The following TAOK3 variants were observed in gnomAD, a reference collection of about 807,000 sequenced individuals.
TAOK3 encodes the protein TAO kinase 3.
A neutral mutation model predicts 120.4 loss-of-function variants in TAOK3; 40 were observed. That is an observed-to-expected ratio of 0.33 (90% CI 0.26 to 0.43). TAOK3 has a LOEUF of 0.43. TAOK3 is among the 20% of genes least tolerant of loss of function. The pLI, the probability that TAOK3 is intolerant of heterozygous loss-of-function variation, is 1.00. For synonymous variants in TAOK3, 355 were observed against 387.5 expected (o/e 0.92, Z 0.99); for missense variants, 821 against 1,112.1 (o/e 0.74, Z 3.72).
chr12:118,246,898 A>T, intron 3 of TAOK3: 2 of 1,345,042 alleles, frequency 1.5e-6, no homozygotes, highest in Non-Finnish European at 2.1e-6. Context: ...TTCACTGACC[A>T]CCTCGTTAAG....
intron 16 of TAOK3, among the ~76,000 whole-genome samples, chr12:118,175,122 G>C: frequency 6.6e-6 from 1 of 152,136 alleles, no homozygotes; most frequent in African/African-American, 2.4e-5. Context: ...CTACACCCGG[G>C]TTTTCTAGAC....
chr12:118,354,842 A>G (rs978706217), intron 1 of TAOK3, among the ~76,000 whole-genome samples: 1 of 152,150 alleles, frequency 6.6e-6, no homozygotes, highest in Non-Finnish European at 1.5e-5. Context: ...CTGTGAGTCC[A>G]TTAAACCTCT....
chr12:118,163,095 T>G (rs1212808477), intron 17 of TAOK3, among the ~76,000 whole-genome samples: 1 of 152,172 alleles, frequency 6.6e-6, no homozygotes, highest in Middle Eastern at 3.2e-3. Flanking sequence ...TACTCGGAAT[T>G]TGGAATTGAT....
intron 13 of TAOK3, among the ~76,000 whole-genome samples, chr12:118,193,082 G>A (rs1326613683): frequency 8.8e-6 from 1 of 113,432 alleles, no homozygotes; most frequent in Non-Finnish European, 1.7e-5. Flanking sequence ...AGACAGTCTC[G>A]TTCTGTTGCC....
chr12:118,268,900 C>T (rs919032767), intron 1 of TAOK3, among the ~76,000 whole-genome samples: 4 of 151,892 alleles, frequency 2.6e-5, no homozygotes, highest in Non-Finnish European at 5.9e-5. Context: ...CCCAGCTACT[C>T]GGGCAGCTGA....
In TAOK3 at chr12:118,201,432, C is replaced by A. The variant is rs143456951; in HGVS notation, c.851G>T (p.Arg284Leu). The change falls in exon 12 of 21, where the codon CGT becomes CTT. Residue 284 changes from arginine (R) to leucine (L), a missense_variant. Coordinates refer to ENST00000392533, the MANE Select transcript of TAOK3 (RefSeq NM_016281.4). ...CCTCTGTATGAGGTCAATGAGGACACGTAGTGGCCGGTCTCGTCGAACAAA... is the reference window on the plus strand; with the variant it reads ...CCTCTGTATGAGGTCAATGAGGACAAGTAGTGGCCGGTCTCGTCGAACAAA... The part of the protein sequence containing the change: ...HDFVRRDRPL[R>L]VLIDLIQRTK... 1.6e-5 allele frequency: 26 copies of A among 1,612,704 alleles called. No homozygotes were observed. Among genetic ancestry groups the A allele is most frequent in the Non-Finnish European group, 2.0e-5 (24 of 1,179,384 alleles).
intron 1 of TAOK3, among the ~76,000 whole-genome samples, chr12:118,284,428 T>C (rs2042195940): frequency 6.6e-6 from 1 of 152,116 alleles, no homozygotes; most frequent in South Asian, 2.1e-4. Context: ...AGTCAGCAGT[T>C]GATTGGCTAC....
chr12:118,339,698 G>C (rs1037201651), intron 1 of TAOK3, among the ~76,000 whole-genome samples: 3 of 151,970 alleles, frequency 2.0e-5, no homozygotes, highest in Admixed American at 6.6e-5. Flanking sequence ...GAGTAGCTGG[G>C]ACTACAGGCG....
chr12:118,160,252 T>C lies in TAOK3; in HGVS notation c.2246A>G (p.Glu749Gly). Reference protein sequence around the residue: ...NHQLEVTPKNEHKTILKTLKD... With the variant: ...NHQLEVTPKNGHKTILKTLKD... ...CAGTGTCTTTAAGATTGTTTTGTGC[T>C]CATTCTTTGGAGTAACTTCCAACTG... The change falls in exon 19 of 21, where the codon GAG becomes GGG. Residue 749 changes from glutamate to glycine, a missense_variant. By Grantham distance (98) the Glu-to-Gly change is moderately conservative. Coordinates refer to ENST00000392533, the MANE Select transcript of TAOK3 (RefSeq NM_016281.4). This position sits in a 1 kb window ranked among gnomAD's most constrained non-coding sequence, Gnocchi z 4.2. 1 of 1,614,240 alleles carries C rather than the reference T, an allele frequency of 6.2e-7. No homozygotes were observed.
At chr12:118,347,061 C>T (rs1363249622) in intron 1 of TAOK3, among the ~76,000 whole-genome samples, 3 of 152,092 alleles carry the variant, frequency 2.0e-5, no homozygotes, top group Non-Finnish European at 2.9e-5. Context: ...TGCGGTGGCA[C>T]GATCATGATC....
At chr12:118,223,760 C>G (rs765613748) in intron 9 of TAOK3, among the ~76,000 whole-genome samples, 1 of 151,462 alleles carries the variant, frequency 6.6e-6, no homozygotes, top group African/African-American at 2.4e-5. Flanking sequence ...TCCCATGCAT[C>G]AGCCTCCCAA....
chr12:118,317,135 C>G (rs945958672), intron 1 of TAOK3, among the ~76,000 whole-genome samples: 1 of 151,768 alleles, frequency 6.6e-6, no homozygotes, highest in Non-Finnish European at 1.5e-5. Flanking sequence ...TGGTGGTGCA[C>G]GCCTGTAACT....
chr12:118,303,677 TG>T (rs1379947694), intron 1 of TAOK3, among the ~76,000 whole-genome samples: 2 of 152,218 alleles, frequency 1.3e-5, no homozygotes, highest in Non-Finnish European at 2.9e-5. Context: ...GATGGAGTTT[TG>T]CTCTTGTCAC....
intron 1 of TAOK3, among the ~76,000 whole-genome samples, chr12:118,351,154 A>G (rs963795843): frequency 4.6e-5 from 7 of 152,142 alleles, no homozygotes; most frequent in South Asian, 2.1e-4. Context: ...ACTCCAGCCT[A>G]GGTGACAGAA....
chr12:118,328,716 T>C (rs2141005012), intron 1 of TAOK3, among the ~76,000 whole-genome samples: 1 of 152,348 alleles, frequency 6.6e-6, no homozygotes, highest in East Asian at 1.9e-4. Context: ...GATCTCTTAC[T>C]AAAGAATTCA....
chr12:118,165,969 C>A (rs2035552434), intron 17 of TAOK3, among the ~76,000 whole-genome samples: 1 of 152,140 alleles, frequency 6.6e-6, no homozygotes, highest in Non-Finnish European at 1.5e-5. Flanking sequence ...ATATTTGAGA[C>A]ATGGGGGAAA....
At chr12:118,151,532 T>C (rs1435545794) in intron 20 of TAOK3, among the ~76,000 whole-genome samples, 3 of 152,066 alleles carry the variant, frequency 2.0e-5, no homozygotes, top group Non-Finnish European at 4.4e-5. Context: ...TCAAGCACAA[T>C]TGGATTGTGC....
At chr12:118,199,936 A>G (rs1215254897) in intron 12 of TAOK3, 5 of 152,330 alleles carry the variant, frequency 3.3e-5, no homozygotes, top group Non-Finnish European at 7.3e-5. Flanking sequence ...AGAACATATA[A>G]TTTATCCATC....
chr12:118,368,116 G>A (rs2045790445), intron 1 of TAOK3, among the ~76,000 whole-genome samples: 1 of 152,202 alleles, frequency 6.6e-6, no homozygotes, highest in Non-Finnish European at 1.5e-5. Context: ...AAAACAGTTT[G>A]AGAACCAAAA....
Sources: gnomAD v4.1 joint callset for allele counts (sites outside exome capture counted in the v4.1 genomes callset) on GRCh38, gnomAD v4.1.1 for gene constraint, Gnocchi (gnomAD v3.1) non-coding constraint, MANE v1.5 for transcripts, NCBI Gene and HGNC (gene_info 2026-07-23, HGNC 2026-07-21) for gene names.